The following NUP93 variants were observed in gnomAD, a reference collection of about 807,000 sequenced individuals.
The protein encoded by NUP93 is nuclear pore complex protein Nup93.
In NUP93, 55 loss-of-function variants were observed where a neutral mutation model predicts 107.8. That is an observed-to-expected ratio of 0.51 (90% CI 0.41 to 0.64). The LOEUF (loss-of-function observed/expected upper bound fraction) is 0.64. Among genes scored for constraint, NUP93 ranks in the 30% least tolerant of loss-of-function variants. The pLI is 0.00. For synonymous variants in NUP93, 390 were observed against 397.5 expected (o/e 0.98, Z 0.22); for missense variants, 937 against 1,044.7 (o/e 0.90, Z 1.42).
intron 5 of NUP93, among the ~76,000 whole-genome samples, chr16:56,816,785 G>C (rs946160320): frequency 2.6e-5 from 4 of 152,112 alleles, no homozygotes; most frequent in African/African-American, 9.7e-5. Context: ...AGGAATTTGC[G>C]GTCTAGTTGA....
At chr16:56,783,567 G>A (rs1325374715) in intron 3 of NUP93, 66 of 985,280 alleles carry the variant, frequency 6.7e-5, no homozygotes, top group African/African-American at 1.4e-4. Flanking sequence ...AATTATCCAC[G>A]CCTTGGTACA....
chr16:56,786,165 A>T (rs1596798696), intron 3 of NUP93, among the ~76,000 whole-genome samples: 1 of 152,090 alleles, frequency 6.6e-6, no homozygotes, highest in Non-Finnish European at 1.5e-5. Flanking sequence ...GGTTCAAGGT[A>T]TGGATTATTT....
rs181872212 is a variant in NUP93 at position 56,829,186 on chromosome 16, G to A, written c.927+77G>A. 1.4e-3 allele frequency: 2,120 copies of A among 1,523,818 alleles called. 5 individuals carry two copies. The highest frequency in any genetic ancestry group is 1.7e-3 in the Non-Finnish European group (1,933 of 1,127,442). 94.4% of individuals were successfully genotyped at this position (1,523,818 alleles called of 1,614,324 possible). On this transcript the variant is annotated intron_variant, in intron 9 of 21. Transcript: ENST00000308159. ...TCAGATGGGCATTTTCAGTTAAAATGAGGGTATCTGTGGAGACTACTGTGT... is the reference window on the plus strand; with the variant it reads ...TCAGATGGGCATTTTCAGTTAAAATAAGGGTATCTGTGGAGACTACTGTGT...
chr16:56,834,567 C>T lies in NUP93; in HGVS notation c.1737+125C>T, dbSNP rs572919976. On this transcript the variant is annotated intron_variant, in intron 15 of 21. Coordinates refer to ENST00000308159, the MANE Select transcript of NUP93 (RefSeq NM_014669.5). ...AAGGCCTAGGGAGTTTTTGGAGTTTCTTTGGTTTCTAACAATGAAAATATT... is the reference window on the plus strand; with the variant it reads ...AAGGCCTAGGGAGTTTTTGGAGTTTTTTTGGTTTCTAACAATGAAAATATT... 4.0e-5 allele frequency: 47 copies of T among 1,173,424 alleles called. No homozygotes were observed. In the African/African-American group the frequency reaches 7.0e-4, roughly 17 times the overall value. The allele number at this position is 1,173,424 out of a possible 1,614,324, so 72.7% of individuals were successfully genotyped here.
intron 20 of NUP93, among the ~76,000 whole-genome samples, chr16:56,840,916 G>T (rs998036845): frequency 6.6e-6 from 1 of 151,490 alleles, no homozygotes; most frequent in Non-Finnish European, 1.5e-5. Flanking sequence ...AGAATCGCTT[G>T]AACCCGGGAA....
intron 3 of NUP93, among the ~76,000 whole-genome samples, chr16:56,794,132 G>C (rs560210363): frequency 6.7e-6 from 1 of 148,676 alleles, no homozygotes; most frequent in East Asian, 2.0e-4. Flanking sequence ...ATAGATAGAT[G>C]TGTTATTATT....
intron 3 of NUP93, among the ~76,000 whole-genome samples, chr16:56,791,883 T>C (rs1962771354): frequency 6.6e-6 from 1 of 152,238 alleles, no homozygotes; most frequent in Non-Finnish European, 1.5e-5. Context: ...TGGAACACTA[T>C]GGTGTTGACC....
Position 56,798,462 on chromosome 16 carries a change from TCCC to T in NUP93, c.298-11_298-9del. The T allele has an allele frequency of 1.2e-6, 2 of 1,611,680 alleles. No homozygotes were observed. Among genetic ancestry groups the T allele is most frequent in the African/African-American group, 2.7e-5 (2 of 74,978 alleles). On this transcript the variant is annotated splice_polypyrimidine_tract_variant and intron_variant, in intron 3 of 21. Transcript: ENST00000308159. ...AGTTAATTTTAAGTTGTGTTAATTTTCCCCCATTTATAGGGCTTCCTGAAGAAT... is the reference window on the plus strand; with the variant it reads ...AGTTAATTTTAAGTTGTGTTAATTTTCCATTTATAGGGCTTCCTGAAGAAT...
intron 2 of NUP93, among the ~76,000 whole-genome samples, chr16:56,756,267 T>C (rs1335408624): frequency 3.4e-5 from 5 of 147,756 alleles, no homozygotes; most frequent in Non-Finnish European, 7.4e-5. Context: ...ATGCGTTAGG[T>C]ATTTGTCCTA....
In NUP93 at chr16:56,839,114, C is replaced by T. The variant is rs563816612; in HGVS notation, c.2136+45C>T. On this transcript the variant is annotated intron_variant, in intron 19 of 21. Transcript: ENST00000308159. Reference sequence around the variant, plus strand: ...TTTGAAGTGCAGGTTAATGTACACCCTCGAAAATTCAAAACACTTCATGGA... The same window carrying T: ...TTTGAAGTGCAGGTTAATGTACACCTTCGAAAATTCAAAACACTTCATGGA... 2.3e-6 allele frequency: 3 copies of T among 1,322,798 alleles called. No individual in the cohort carries two copies. In the South Asian group the frequency reaches 3.7e-5, roughly 16 times the overall value. 81.9% of individuals were successfully genotyped at this position (1,322,798 alleles called of 1,614,324 possible).
chr16:56,817,199 T>C (rs1963451650), intron 5 of NUP93, among the ~76,000 whole-genome samples: 1 of 152,162 alleles, frequency 6.6e-6, no homozygotes, highest in South Asian at 2.1e-4. Context: ...ATTTGACTAA[T>C]GGGAATCTGA....
intron 8 of NUP93, among the ~76,000 whole-genome samples, chr16:56,825,290 C>T (rs1183366490): frequency 7.0e-6 from 1 of 142,618 alleles, no homozygotes; most frequent in Admixed American, 7.4e-5. Context: ...TGGCTCTGTG[C>T]AACCTCTGCC....
At chr16:56,742,339 C>T (rs1357363779) in intron 1 of NUP93, among the ~76,000 whole-genome samples, 3 of 152,192 alleles carry the variant, frequency 2.0e-5, no homozygotes, top group Non-Finnish European at 4.4e-5. Flanking sequence ...CAAGAGTTGG[C>T]AAACTATGGC....
At chr16:56,757,968 G>A (rs924320066) in intron 2 of NUP93, among the ~76,000 whole-genome samples, 25 of 152,028 alleles carry the variant, frequency 1.6e-4, no homozygotes, top group Admixed American at 1.5e-3. Context: ...CAACCCGGGA[G>A]GCTGAGGCAG....
In NUP93 at chr16:56,839,557, G is replaced by A; in HGVS notation, c.2173G>A (p.Glu725Lys). Residue 725 changes from glutamate to lysine, a missense_variant, in exon 20 of 22, where the codon GAA becomes AAA. Glu to Lys is a moderately conservative substitution (Grantham distance 56). Coordinates refer to ENST00000308159, the MANE Select transcript of NUP93 (RefSeq NM_014669.5). Reference protein sequence around the residue: ...ERLKLVPLNQESVEERVAAFR... With the variant: ...ERLKLVPLNQKSVEERVAAFR... ...CTTGAAGCTGGTGCCCCTGAATCAG[G>A]AAAGTGTGGAAGAGAGAGTGGCTGC... 6.2e-7 allele frequency: 1 copy of A among 1,613,880 alleles called. No homozygotes were observed. The highest frequency in any genetic ancestry group is 1.1e-5 in the South Asian group (1 of 90,978).
rs144608323 is a variant in NUP93, at chr16:56,841,834, G to T, written c.2349+1G>T. On this transcript the variant is annotated splice_donor_variant, in intron 21 of 21. Transcript: ENST00000308159. LOFTEE classifies it high-confidence loss of function. Reference sequence around the variant, plus strand: ...GCGAGTCATCGAGGACCGCGACTCTGTAAGATCCCAGCATTCGCGAGAAAC... The same window carrying T: ...GCGAGTCATCGAGGACCGCGACTCTTTAAGATCCCAGCATTCGCGAGAAAC... 4 of 1,613,844 alleles carry T rather than the reference G, an allele frequency of 2.5e-6. No homozygotes were observed. The Admixed American group carries it at 5.0e-5, about 20-fold the overall frequency.
Position 56,805,532 on chromosome 16 carries a change from G to A in NUP93, c.389G>A (p.Arg130Gln), listed in dbSNP as rs747730206. 1.5e-5 allele frequency: 24 copies of A among 1,613,848 alleles called. No homozygotes were observed. Among genetic ancestry groups the A allele is most frequent in the Non-Finnish European group, 1.9e-5 (22 of 1,179,978 alleles). Reference protein sequence around the residue: ...RTFGMAEEYHRESMLVEWEQV... With the variant: ...RTFGMAEEYHQESMLVEWEQV... ...TTCGGCATGGCTGAGGAGTACCATCGGGAGTCAATGTTGGTTGAGTGGGAG... is the reference window on the plus strand; with the variant it reads ...TTCGGCATGGCTGAGGAGTACCATCAGGAGTCAATGTTGGTTGAGTGGGAG... The change falls in exon 5 of 22, where the codon CGG becomes CAG. Residue 130 changes from arginine (R) to glutamine (Q), a missense_variant. Physicochemically the swap from Arg to Gln is conservative, Grantham distance 43. Transcript: ENST00000308159.
rs1447934156 is a variant in NUP93 at position 56,845,034 on chromosome 16, G to A, written c.*425G>A. 2 of 244,152 alleles carry A rather than the reference G, an allele frequency of 8.2e-6. No individual in the cohort carries two copies. Among genetic ancestry groups the A allele is most frequent in the Non-Finnish European group, 1.6e-5 (2 of 126,930 alleles). The allele number at this position is 244,152 out of a possible 1,614,324, so 15.1% of individuals were successfully genotyped here. A position where few individuals can be genotyped will look rare whatever the true frequency, so the allele number is the denominator to read the frequency against. On this transcript the variant is annotated 3_prime_UTR_variant, in exon 22 of 22. Transcript: ENST00000308159. ...TTCATTTTCACATTTTTATTTGAAT[G>A]TGAAAGTCAACCTCAGCCTTAGAAG...
intron 8 of NUP93, 66 bp from the exon 9 acceptor site, chr16:56,828,911 A>G: frequency 6.6e-7 from 1 of 1,522,108 alleles, no homozygotes; most frequent in Non-Finnish European, 9.1e-7. Flanking sequence ...TGTCATGGAT[A>G]TGGGCATAGA....
Sources: gnomAD v4.1 joint callset for allele counts (sites outside exome capture counted in the v4.1 genomes callset) on GRCh38, gnomAD v4.1.1 for gene constraint, MANE v1.5 for transcripts, NCBI Gene and HGNC (gene_info 2026-07-23, HGNC 2026-07-21) for gene names.